FAM168A: variants seen among roughly 807,000 people sequenced by gnomAD.
FAM168A encodes family with sequence similarity 168 member A.
A neutral mutation model predicts 28.5 loss-of-function variants in FAM168A; 3 were observed. That is an observed-to-expected ratio of 0.11 (90% confidence interval 0.05 to 0.27). The LOEUF (loss-of-function observed/expected upper bound fraction) is 0.27, where lower values mean the gene tolerates loss of function less well. FAM168A is among the 10% of genes least tolerant of loss of function. FAM168A has a pLI of 1.00. For synonymous variants in FAM168A, 122 were observed against 124.2 expected (o/e 0.98, Z 0.12); for missense variants, 222 against 311.5 (o/e 0.71, Z 2.16).
Position 73,497,447 on chromosome 11 carries a change from C to G in FAM168A, c.-18-28955G>C, listed in dbSNP as rs1243641816. ...CTGGCGACAGAGAGTGACTCCATAC[C>G]CCCCCTCAAAAAAAAAAAAGACATA... is the stretch of plus-strand genomic sequence containing the variant. On this transcript the variant is annotated intron_variant, in intron 1 of 7. Transcript: ENST00000356467. 2.6e-5 allele frequency among the ~76,000 whole-genome samples: 4 copies of G among 151,406 alleles called. No individual in the cohort carries two copies. The East Asian group carries it at 7.7e-4, about 29-fold the overall frequency.
At chr11:73,440,427 C>T (rs7101503) in intron 2 of FAM168A, among the ~76,000 whole-genome samples, 69 of 152,220 alleles carry the variant, frequency 4.5e-4, no homozygotes, top group African/African-American at 1.7e-3. Context: ...AGGAGGACCG[C>T]TGCTTGAGCA....
At chr11:73,458,029 A>G (rs756267606) in intron 2 of FAM168A, among the ~76,000 whole-genome samples, 4 of 152,176 alleles carry the variant, frequency 2.6e-5, no homozygotes, top group Non-Finnish European at 5.9e-5. Flanking sequence ...AGTTATTACT[A>G]TAATAACAGC....
chr11:73,455,145 T>C (rs558434927), intron 2 of FAM168A, among the ~76,000 whole-genome samples: 40 of 152,226 alleles, frequency 2.6e-4, no homozygotes, highest in Non-Finnish European at 5.1e-4. Flanking sequence ...ACCTGGACAC[T>C]GCCTTGGGGC....
rs56163815 is a variant in FAM168A at position 73,544,994 on chromosome 11, G to A, written c.-19+52929C>T. Among the ~76,000 whole-genome samples the A allele has an allele frequency of 2.4e-3, 146 of 59,742 alleles. 1 individual carries two copies. The highest frequency in any genetic ancestry group is 0.011 in the African/African-American group (74 of 6,958). 39.2% of individuals were successfully genotyped at this position (59,742 alleles called of 152,430 possible). A position where few individuals can be genotyped will look rare whatever the true frequency, so the allele number is the denominator to read the frequency against. ...TATTATATAATATATTTTATATATAGTATATATAATATACTATATATATAG... is the reference window on the plus strand; with the variant it reads ...TATTATATAATATATTTTATATATAATATATATAATATACTATATATATAG... On this transcript the variant is annotated intron_variant, in intron 1 of 7. Transcript: ENST00000356467.
At chr11:73,554,914 T>G (rs1218295757) in intron 1 of FAM168A, among the ~76,000 whole-genome samples, 2 of 152,096 alleles carry the variant, frequency 1.3e-5, no homozygotes, top group African/African-American at 4.8e-5. Flanking sequence ...ACTGCTAAAA[T>G]CCATAAGTTC....
chr11:73,569,633 C>A (rs1283227572), intron 1 of FAM168A, among the ~76,000 whole-genome samples: 2 of 151,982 alleles, frequency 1.3e-5, no homozygotes, highest in Non-Finnish European at 2.9e-5. Flanking sequence ...ACCAGCCTGG[C>A]CAATATGGTG....
chr11:73,407,964 T>C lies in FAM168A; in HGVS notation c.596-321A>G, dbSNP rs981148804. ...TCAGCTCACTGCAGCCTCTGCCTCC[T>C]GAGTTCAAGCGATTCTCCCGCGTCA... is the stretch of plus-strand genomic sequence containing the variant. On this transcript the variant is annotated intron_variant, in intron 6 of 7. Coordinates refer to ENST00000356467, the MANE Select transcript of FAM168A (RefSeq NM_015159.3). 4.6e-5 allele frequency among the ~76,000 whole-genome samples: 7 copies of C among 152,338 alleles called. No homozygotes were observed. The South Asian group carries it at 6.2e-4, about 14-fold the overall frequency.
intron 1 of FAM168A, among the ~76,000 whole-genome samples, chr11:73,475,650 A>AC (rs1340003035): frequency 2.6e-5 from 4 of 151,894 alleles, no homozygotes. Flanking sequence ...TAAAAAAAAA[A>AC]CCATTTTGGG....
intron 1 of FAM168A, among the ~76,000 whole-genome samples, chr11:73,572,445 TG>T (rs1175180283): frequency 2.6e-5 from 4 of 151,726 alleles, no homozygotes; most frequent in African/African-American, 9.7e-5. Context: ...GGGGGAAAGG[TG>T]GGGAAAAGAT....
intron 1 of FAM168A, among the ~76,000 whole-genome samples, chr11:73,577,334 A>C (rs1448066520): frequency 6.6e-6 from 1 of 152,246 alleles, no homozygotes; most frequent in Non-Finnish European, 1.5e-5. Flanking sequence ...TAATATCTGA[A>C]TTAAAGTTTC....
At chr11:73,411,309 T>G in intron 5 of FAM168A, 85 bp downstream of exon 5, 1 of 1,448,892 alleles carries the variant, frequency 6.9e-7, no homozygotes, top group Non-Finnish European at 9.3e-7. Context: ...TCTCCTTCCC[T>G]CACTTCCTCA....
chr11:73,401,612 A>C lies in FAM168A; in HGVS notation c.*5151T>G, dbSNP rs1200207348. ...TTACATCTGTTCTCCTTAGGAAGGA[A>C]AATCCCCCTGCTATCAGTGGCTGGA... is the stretch of plus-strand genomic sequence containing the variant. On this transcript the variant is annotated 3_prime_UTR_variant, in exon 8 of 8. Transcript: ENST00000356467. 1.3e-5 allele frequency: 2 copies of C among 152,258 alleles called. No homozygotes were observed. The highest frequency in any genetic ancestry group is 4.8e-5 in the African/African-American group (2 of 41,458). 9.4% of individuals were successfully genotyped at this position (152,258 alleles called of 1,614,324 possible). A position where few individuals can be genotyped will look rare whatever the true frequency, so the allele number is the denominator to read the frequency against.
At chr11:73,424,499 C>A (rs976509031) in intron 3 of FAM168A, among the ~76,000 whole-genome samples, 3 of 152,246 alleles carry the variant, frequency 2.0e-5, no homozygotes, top group East Asian at 1.9e-4. Context: ...ACGCTGCCCC[C>A]CCCACCTCTC....
intron 1 of FAM168A, among the ~76,000 whole-genome samples, chr11:73,489,510 C>CCT (rs1868099519): frequency 7.1e-6 from 1 of 139,908 alleles, no homozygotes; most frequent in African/African-American, 2.7e-5. Context: ...CCATCCCCCA[C>CCT]TTTTTTTTTT....
intron 1 of FAM168A, among the ~76,000 whole-genome samples, chr11:73,477,677 A>C (rs1281523719): frequency 6.6e-6 from 1 of 151,050 alleles, no homozygotes; most frequent in Admixed American, 6.6e-5. Flanking sequence ...TGGTATATTC[A>C]ATGTGCTGAA....
At chr11:73,597,617 G>A (rs1484759457) in intron 1 of FAM168A, among the ~76,000 whole-genome samples, 1 of 147,500 alleles carries the variant, frequency 6.8e-6, no homozygotes, top group Non-Finnish European at 1.5e-5. Flanking sequence ...CTTCCACCTC[G>A]CCCCAAGACC....
rs1246616614 is a variant in FAM168A at position 73,462,894 on chromosome 11, AGAGAAGAGAAGAGAG to A, written c.70+5496_70+5510del. Among the ~76,000 whole-genome samples, 22 of 151,100 alleles carry A rather than the reference AGAGAAGAGAAGAGAG, an allele frequency of 1.5e-4. No homozygotes were observed. The South Asian group carries it at 4.6e-3, about 32-fold the overall frequency. ...AGAGAAGAGAAGAGAGGAGAGGAGA[AGAGAAGAGAAGAGAG>A]GAGAGGAGAAGAGAAGAGAAAAGAG... On this transcript the variant is annotated intron_variant, in intron 2 of 7. Coordinates refer to ENST00000356467, the MANE Select transcript of FAM168A (RefSeq NM_015159.3).
intron 2 of FAM168A, among the ~76,000 whole-genome samples, chr11:73,438,808 G>A (rs1471718724): frequency 1.3e-5 from 2 of 152,046 alleles, no homozygotes; most frequent in African/African-American, 4.8e-5. Context: ...GAAGAGAGGA[G>A]GGACTACAAA....
chr11:73,442,125 CTTTT>C (rs59066860), intron 2 of FAM168A, among the ~76,000 whole-genome samples: 5 of 130,996 alleles, frequency 3.8e-5, no homozygotes, highest in Admixed American at 2.3e-4. Flanking sequence ...CTTTCTTCTT[CTTTT>C]TTTTTTTTTT....
Sources: allele counts gnomAD v4.1 joint callset (sites outside exome capture counted in the v4.1 genomes callset), GRCh38; gene constraint gnomAD v4.1.1; transcripts MANE v1.5; gene names NCBI Gene and HGNC (gene_info 2026-07-23, HGNC 2026-07-21).